FKBP1A: variants seen among roughly 807,000 people sequenced by gnomAD.
FKBP1A encodes FKBP prolyl isomerase 1A.
Under a neutral mutation model 14.2 loss-of-function variants are expected in FKBP1A, and 5 were observed. The observed-to-expected ratio is 0.35, with a 90% CI of 0.18 to 0.74. The LOEUF (loss-of-function observed/expected upper bound fraction) is 0.74. Among genes scored for constraint, FKBP1A ranks in the 30% least tolerant of loss-of-function variants. The pLI, the probability that FKBP1A is intolerant of heterozygous loss-of-function variation, is 0.56. For synonymous variants in FKBP1A, 42 were observed against 49.1 expected, an observed-to-expected ratio of 0.86 and a Z score of 0.60; for missense variants, 53 against 138.8, an observed-to-expected ratio of 0.38 and a Z score of 3.10.
rs1568588991 is a variant in FKBP1A, at chr20:1,379,888, T to C, written c.86-4285A>G. 1.3e-5 allele frequency among the ~76,000 whole-genome samples: 2 copies of C among 152,302 alleles called. No homozygotes were observed. The highest frequency in any genetic ancestry group is 1.9e-4 in the East Asian group (1 of 5,162). ...TGGGGAGGAACAGGCCACTTATCTATGGCCCTAAGTTGTCAGCCTGGGGGA... is the reference window on the plus strand; with the variant it reads ...TGGGGAGGAACAGGCCACTTATCTACGGCCCTAAGTTGTCAGCCTGGGGGA... On this transcript the variant is annotated intron_variant, in intron 2 of 4. Transcript: ENST00000400137. This position sits in a 1 kb window ranked among gnomAD's most constrained non-coding sequence, Gnocchi z 4.3.
chr20:1,388,185 A>T (rs1400269176), intron 2 of FKBP1A, among the ~76,000 whole-genome samples: 2 of 152,220 alleles, frequency 1.3e-5, no homozygotes, highest in African/African-American at 4.8e-5. Flanking sequence ...GTTTAAACGG[A>T]ATCTATTCAG....
At chr20:1,371,482 C>T (rs1002919698) in intron 4 of FKBP1A, among the ~76,000 whole-genome samples, 1 of 152,210 alleles carries the variant, frequency 6.6e-6, no homozygotes, top group Non-Finnish European at 1.5e-5. Context: ...CAAGCATCCT[C>T]TGGCTTCATT....
intron 2 of FKBP1A, among the ~76,000 whole-genome samples, chr20:1,380,592 C>A (rs903742767): frequency 6.6e-6 from 1 of 152,166 alleles, no homozygotes; most frequent in Non-Finnish European, 1.5e-5. Context: ...TAACAAATCA[C>A]AAAAGCAAGA....
At chr20:1,384,528 A>C (rs1381485102) in intron 2 of FKBP1A, among the ~76,000 whole-genome samples, 1 of 152,242 alleles carries the variant, frequency 6.6e-6, no homozygotes, top group Non-Finnish European at 1.5e-5. Flanking sequence ...CCTTTAGCAA[A>C]TGATTTATGT....
In FKBP1A at chr20:1,375,596, A is replaced by C; in HGVS notation, c.93T>G (p.Leu31=). The change falls in exon 3 of 5, where the codon CTT becomes CTG. Residue 31 remains leucine (L), a synonymous_variant. Coordinates refer to ENST00000400137, the MANE Select transcript of FKBP1A (RefSeq NM_000801.5). ...AGGAATCAAATTTCTTTCCATCTTC[A>C]AGCATCCCTGTGAAAAAGACGACTG... ...QTCVVHYTGM[L]EDGKKFDSSR... is the part of the protein sequence containing the mutation. The C allele has an allele frequency of 6.2e-7, 1 of 1,612,800 alleles. No homozygotes were observed. Among genetic ancestry groups the C allele is most frequent in the Non-Finnish European group, 8.5e-7 (1 of 1,178,876 alleles).
intron 2 of FKBP1A, among the ~76,000 whole-genome samples, chr20:1,390,149 G>A (rs865841210): frequency 3.3e-5 from 5 of 152,200 alleles, no homozygotes; most frequent in Admixed American, 6.5e-5. Flanking sequence ...GATGGCTAAG[G>A]GGAGATTTTG....
At chr20:1,380,966 A>G (rs1343751855) in intron 2 of FKBP1A, among the ~76,000 whole-genome samples, 1 of 152,220 alleles carries the variant, frequency 6.6e-6, no homozygotes, top group Non-Finnish European at 1.5e-5. Context: ...TTAACTCAAA[A>G]TGGATCCTAG....
intron 2 of FKBP1A, 64 bp downstream of exon 2, chr20:1,392,770 G>T: frequency 2.3e-6 from 3 of 1,317,074 alleles, no homozygotes; most frequent in Non-Finnish European, 3.0e-6. Flanking sequence ...AGGCCTCGAC[G>T]GCCAGCCGCA....
intron 3 of FKBP1A, among the ~76,000 whole-genome samples, chr20:1,372,824 G>T (rs1292636939): frequency 1.3e-5 from 2 of 152,172 alleles, no homozygotes; most frequent in Non-Finnish European, 2.9e-5. Context: ...GCCTACAACA[G>T]AAAACATCTT....
rs2089440318 is a variant in FKBP1A at position 1,369,954 on chromosome 20, G to A, written c.*155C>T. On this transcript the variant is annotated 3_prime_UTR_variant, in exon 5 of 5. Transcript: ENST00000400137. ...ACAGAGGTGTCGGAAGCAAAGCTGA[G>A]TGACAGAACACATTCAGTCAGGGCA... The A allele has an allele frequency of 1.4e-6, 2 of 1,460,232 alleles. No homozygotes were observed. Among genetic ancestry groups the A allele is most frequent in the Admixed American group, 2.2e-5 (1 of 46,384 alleles). The allele number at this position is 1,460,232 out of a possible 1,614,324, so 90.5% of individuals were successfully genotyped here.
intron 2 of FKBP1A, chr20:1,376,700 T>G (rs1033536107): frequency 1.6e-4 from 24 of 152,216 alleles, no homozygotes; most frequent in African/African-American, 5.8e-4. Flanking sequence ...AATAGTAAAA[T>G]TTACTATTAT....
intron 2 of FKBP1A, among the ~76,000 whole-genome samples, chr20:1,380,371 T>C (rs1428257620): frequency 2.0e-5 from 3 of 152,146 alleles, no homozygotes; most frequent in Non-Finnish European, 4.4e-5. Context: ...TCAGTGCATG[T>C]ATCTGAGCAA....
At chr20:1,374,334 T>A (rs1031223913) in intron 3 of FKBP1A, 1 of 152,066 alleles carries the variant, frequency 6.6e-6, no homozygotes, top group Non-Finnish European at 1.5e-5. Context: ...TTTCCACAAA[T>A]GGGGAGGAAA....
intron 3 of FKBP1A, among the ~76,000 whole-genome samples, chr20:1,373,984 C>G (rs1220480075): frequency 6.6e-6 from 1 of 152,202 alleles, no homozygotes; most frequent in Non-Finnish European, 1.5e-5. Flanking sequence ...CTTCAAGTTC[C>G]TGAAAGTTGA....
At chr20:1,381,892 A>T (rs933847032) in intron 2 of FKBP1A, among the ~76,000 whole-genome samples, 1 of 152,210 alleles carries the variant, frequency 6.6e-6, no homozygotes, top group African/African-American at 2.4e-5. Context: ...ACAAAAAAGC[A>T]TATCAGTAGT....
At chr20:1,381,539 C>A (rs2089616380) in intron 2 of FKBP1A, among the ~76,000 whole-genome samples, 2 of 152,214 alleles carry the variant, frequency 1.3e-5, no homozygotes, top group Non-Finnish European at 2.9e-5. Context: ...GTTAAACATA[C>A]ACCTCCCATA....
chr20:1,370,886 A>G, intron 4 of FKBP1A: 1 of 985,486 alleles, frequency 1.0e-6, no homozygotes, highest in Non-Finnish European at 1.2e-6. Flanking sequence ...TGGGCAGACA[A>G]AGGCCCTGTA....
chr20:1,375,028 G>A (rs543238408), intron 3 of FKBP1A, among the ~76,000 whole-genome samples: 1 of 152,194 alleles, frequency 6.6e-6, no homozygotes, highest in East Asian at 1.9e-4. Context: ...ATGGAGATGG[G>A]GTTTCGCCAT....
chr20:1,389,407 A>G (rs1391089164), intron 2 of FKBP1A, among the ~76,000 whole-genome samples: 1 of 152,192 alleles, frequency 6.6e-6, no homozygotes, highest in Admixed American at 6.5e-5. Flanking sequence ...CAGACATCAG[A>G]TCACCAACCA....
Sources: allele counts gnomAD v4.1 joint callset (sites outside exome capture counted in the v4.1 genomes callset), GRCh38; gene constraint gnomAD v4.1.1; non-coding constraint Gnocchi (gnomAD v3.1); transcripts MANE v1.5; gene names NCBI Gene and HGNC (gene_info 2026-07-23, HGNC 2026-07-21).